ALK: variants seen among roughly 807,000 people sequenced by gnomAD.
The protein encoded by ALK is ALK tyrosine kinase receptor.
Under a neutral mutation model 163.1 loss-of-function variants are expected in ALK, and 74 were observed. The observed-to-expected ratio is 0.45, with a 90% CI of 0.38 to 0.55. The LOEUF (loss-of-function observed/expected upper bound fraction) is 0.55, where lower values mean the gene tolerates loss of function less well. ALK is among the 20% of genes least tolerant of loss of function. The probability of loss-of-function intolerance (pLI) is 0.00; values close to 1 mark genes in which losing one functional copy is unlikely to be tolerated. For missense variants in ALK, 2,063 were observed against 2,105.3 expected, an observed-to-expected ratio of 0.98 and a Z score of 0.39; for synonymous variants, 960 against 843.2, an observed-to-expected ratio of 1.14 and a Z score of -2.40.
intron 5 of ALK, among the ~76,000 whole-genome samples, chr2:29,342,081 A>G (rs1021786266): frequency 1.3e-5 from 2 of 152,362 alleles, no homozygotes; most frequent in African/African-American, 4.8e-5. Flanking sequence ...GATTCCTTCA[A>G]TGAATATGAC....
In ALK at chr2:29,712,358, G is replaced by A. The variant is rs1200446811; in HGVS notation, c.787+5220C>T. Among the ~76,000 whole-genome samples the A allele has an allele frequency of 7.2e-5, 11 of 152,360 alleles. No homozygotes were observed. The South Asian group carries it at 1.9e-3, about 26-fold the overall frequency. ...TAGCTCAGTGGAGCAAGGCTAGGAA[G>A]AGAACACAAAAAGACCTGGCCTGGA... is the stretch of plus-strand genomic sequence containing the variant. On this transcript the variant is annotated intron_variant, in intron 2 of 28. Transcript: ENST00000389048.
At chr2:29,536,513 C>A (rs1377924819) in intron 3 of ALK, among the ~76,000 whole-genome samples, 1 of 152,142 alleles carries the variant, frequency 6.6e-6, no homozygotes, top group Admixed American at 6.5e-5. Flanking sequence ...AATTAAATCT[C>A]TTTTCTTTAT....
At chr2:29,467,217 C>G (rs1462432555) in intron 4 of ALK, among the ~76,000 whole-genome samples, 1 of 140,732 alleles carries the variant, frequency 7.1e-6, no homozygotes, top group Non-Finnish European at 1.5e-5. Flanking sequence ...AATGAGCAAT[C>G]TTATGGAGAG....
intron 3 of ALK, among the ~76,000 whole-genome samples, chr2:29,680,456 G>T (rs1241862198): frequency 6.6e-6 from 1 of 151,946 alleles, no homozygotes; most frequent in African/African-American, 2.4e-5. Context: ...TCTTAAATCT[G>T]CTGTTGAGCT....
chr2:29,308,052 C>A (rs979067558), intron 8 of ALK, among the ~76,000 whole-genome samples: 4 of 148,488 alleles, frequency 2.7e-5, no homozygotes, highest in African/African-American at 9.9e-5. Context: ...TTTTTTTTTT[C>A]TTCTGTGGTC....
chr2:29,538,411 C>T (rs1673318755), intron 3 of ALK, among the ~76,000 whole-genome samples: 5 of 152,130 alleles, frequency 3.3e-5, no homozygotes, highest in Admixed American at 3.3e-4. Flanking sequence ...CTGGGACCTC[C>T]TCATTCTCTT....
chr2:29,573,298 A>T (rs1411500083), intron 3 of ALK, among the ~76,000 whole-genome samples: 1 of 152,200 alleles, frequency 6.6e-6, no homozygotes, highest in Non-Finnish European at 1.5e-5. Context: ...CACTCCTTCA[A>T]CAATTATTTA....
At chr2:29,290,063 A>G (rs926312415) in intron 9 of ALK, among the ~76,000 whole-genome samples, 21 of 152,204 alleles carry the variant, frequency 1.4e-4, no homozygotes, top group Non-Finnish European at 2.4e-4. Flanking sequence ...ATGTTGGTGG[A>G]CATAATGCCT....
chr2:29,817,871 GC>G (rs1407600017), intron 1 of ALK, among the ~76,000 whole-genome samples: 4 of 152,196 alleles, frequency 2.6e-5, no homozygotes, highest in Non-Finnish European at 5.9e-5. Context: ...ACTAGAGGAT[GC>G]CTTCTATAGA....
At chr2:29,539,268 A>G (rs1573440452) in intron 3 of ALK, among the ~76,000 whole-genome samples, 2 of 152,316 alleles carry the variant, frequency 1.3e-5, no homozygotes, top group South Asian at 4.1e-4. Context: ...CAAGCAGGAT[A>G]TATTTCCAGC....
chr2:29,628,659 A>T lies in ALK; in HGVS notation c.952+66191T>A, dbSNP rs182581291. 2.6e-4 allele frequency among the ~76,000 whole-genome samples: 40 copies of T among 152,324 alleles called. 1 individual carries two copies. Among genetic ancestry groups the T allele is most frequent in the Admixed American group, 2.5e-3 (38 of 15,294 alleles). On this transcript the variant is annotated intron_variant, in intron 3 of 28. Coordinates refer to ENST00000389048, the MANE Select transcript of ALK (RefSeq NM_004304.5). ...TCTCTTTAAAATGCTTGAGTCAGAAAATATGTCTGGCTACCTTAACAATTA... is the reference window on the plus strand; with the variant it reads ...TCTCTTTAAAATGCTTGAGTCAGAATATATGTCTGGCTACCTTAACAATTA...
chr2:29,529,949 T>C (rs979825927), intron 4 of ALK, among the ~76,000 whole-genome samples: 3 of 152,096 alleles, frequency 2.0e-5, no homozygotes, highest in East Asian at 1.9e-4. Context: ...CAGGTGGACG[T>C]TGAGGCAGGT....
chr2:29,271,200 C>G (rs77594104), intron 11 of ALK, among the ~76,000 whole-genome samples: 1,945 of 152,296 alleles, frequency 0.013, 47 homozygotes, highest in African/African-American at 0.044. Flanking sequence ...GTGGAGCCTG[C>G]CTTCCAAGGA....
intron 1 of ALK, among the ~76,000 whole-genome samples, chr2:29,763,288 T>G (rs888478730): frequency 1.3e-5 from 2 of 152,016 alleles, no homozygotes; most frequent in African/African-American, 4.8e-5. Context: ...GGTATCAGTA[T>G]AGAATGAGGC....
At chr2:29,226,632 TAGGAGC>T (rs1267721663) in intron 18 of ALK, among the ~76,000 whole-genome samples, 2 of 152,022 alleles carry the variant, frequency 1.3e-5, no homozygotes, top group African/African-American at 4.8e-5. Context: ...CAGAGAACCT[TAGGAGC>T]AGTAAGATCC....
chr2:29,692,561 C>T (rs867610303), intron 3 of ALK, among the ~76,000 whole-genome samples: 42 of 152,324 alleles, frequency 2.8e-4, no homozygotes, highest in Middle Eastern at 6.8e-3. Flanking sequence ...GTGCACAATA[C>T]GATTCACGTT....
intron 3 of ALK, among the ~76,000 whole-genome samples, chr2:29,585,697 T>C (rs113073708): frequency 1.1e-4 from 17 of 152,194 alleles, no homozygotes; most frequent in African/African-American, 3.6e-4. Context: ...TTCCACAAAA[T>C]ATCCTGAGCA....
intron 4 of ALK, among the ~76,000 whole-genome samples, chr2:29,466,038 T>C (rs1161053825): frequency 2.0e-5 from 3 of 152,100 alleles, no homozygotes; most frequent in Non-Finnish European, 2.9e-5. Context: ...AAGTTTAAGA[T>C]AAACATGAAA....
At chr2:29,615,632 C>T (rs1675821752) in intron 3 of ALK, among the ~76,000 whole-genome samples, 1 of 152,174 alleles carries the variant, frequency 6.6e-6, no homozygotes, top group South Asian at 2.1e-4. Context: ...CCACTACTGA[C>T]CCCACAATCC....
Sources: gnomAD v4.1 joint callset for allele counts (sites outside exome capture counted in the v4.1 genomes callset) on GRCh38, gnomAD v4.1.1 for gene constraint, MANE v1.5 for transcripts, NCBI Gene and HGNC (gene_info 2026-07-23, HGNC 2026-07-21) for gene names.